TM9SF1: variants seen among roughly 807,000 people sequenced by gnomAD.
The protein encoded by TM9SF1 is transmembrane 9 superfamily member 1, also known as MP70 protein family member.
Under a neutral mutation model 52.4 loss-of-function variants are expected in TM9SF1, and 25 were observed. The observed-to-expected ratio is 0.48, with a 90% CI of 0.35 to 0.67. The LOEUF (loss-of-function observed/expected upper bound fraction) is 0.67, where lower values mean the gene tolerates loss of function less well. Ranked by LOEUF, TM9SF1 falls within the 30% of genes least tolerant of loss-of-function variation. The pLI, the probability that TM9SF1 is intolerant of heterozygous loss-of-function variation, is 0.01. For synonymous variants in TM9SF1, 284 were observed against 299.8 expected, an observed-to-expected ratio of 0.95 and a Z score of 0.55; for missense variants, 604 against 780.3, an observed-to-expected ratio of 0.77 and a Z score of 2.69.
intron 4 of TM9SF1, chr14:24,191,885 G>A: frequency 5.7e-6 from 2 of 351,896 alleles, no homozygotes; most frequent in Non-Finnish European, 1.1e-5. Context: ...ATGGCTCACT[G>A]TAGCCTCAAC....
At chr14:24,191,726 T>C (rs2039325278) in intron 4 of TM9SF1, 1 of 162,008 alleles carries the variant, frequency 6.2e-6, no homozygotes. Context: ...AAATGCATTC[T>C]TGTTTTTTTT....
In TM9SF1 at chr14:24,192,239, T is replaced by C. The variant is rs2039331709; in HGVS notation, c.1085A>G (p.His362Arg). 3 of 1,614,036 alleles carry C rather than the reference T, an allele frequency of 1.9e-6. No homozygotes were observed. The highest frequency in any genetic ancestry group is 2.5e-6 in the Non-Finnish European group (3 of 1,180,036). Residue 362 changes from histidine to arginine, a missense_variant, in exon 4 of 6, where the codon CAC (histidine) becomes CGC (arginine). Coordinates refer to ENST00000261789, the MANE Select transcript of TM9SF1 (RefSeq NM_006405.7). The surrounding 1 kb of genome is among the most constrained non-coding windows in gnomAD (Gnocchi z 4.0). ...CTCGCCTCCAATCTGCCGGTAGAAG[T>C]GGCTGGACACGTAGCCAGAGATGCA... ...TCCISGYVSS[H>R]FYRQIGGERW...
intron 2 of TM9SF1, among the ~76,000 whole-genome samples, chr14:24,194,422 A>G (rs2039368653): frequency 6.6e-6 from 1 of 152,246 alleles, no homozygotes; most frequent in Non-Finnish European, 1.5e-5. Flanking sequence ...GCTTGCAGTA[A>G]GAAACCCTGG....
Position 24,190,561 on chromosome 14 carries a change from G to A in TM9SF1, c.1246C>T (p.Leu416=). The A allele has an allele frequency of 1.2e-6, 2 of 1,614,216 alleles. No homozygotes were observed. Among genetic ancestry groups the A allele is most frequent in the Non-Finnish European group, 1.7e-6 (2 of 1,180,048 alleles). The change falls in exon 5 of 6, where the codon CTG becomes TTG. Residue 416 remains leucine (L), a synonymous_variant. Transcript: ENST00000261789. ...ALPATTILLL[L]TVWLLVGFPL... ...AAGCCCACCAGCAGCCAAACCGTCA[G>A]AAGCAGCAGGATGGTTGTGGCTGGC... is the stretch of plus-strand genomic sequence containing the variant.
chr14:24,193,332 G>A (rs2039352094), intron 2 of TM9SF1, 63 bp from the exon 3 acceptor site: 1 of 1,511,488 alleles, frequency 6.6e-7, no homozygotes, highest in Non-Finnish European at 8.9e-7. Flanking sequence ...TTACAGCAAA[G>A]TTTCTCACCT....
At chr14:24,191,027 G>A (rs919209240) in intron 4 of TM9SF1, among the ~76,000 whole-genome samples, 3 of 151,722 alleles carry the variant, frequency 2.0e-5, no homozygotes, top group Admixed American at 6.6e-5. Context: ...CACCACGCCC[G>A]GCTAATTTTT....
chr14:24,192,324 T>C lies in TM9SF1; in HGVS notation c.1000A>G (p.Asn334Asp). ...TTAATGGCCCCATGACGGTGCACAT[T>C]GAACATGCCCAGCAGTGCCATGACA... The part of the protein sequence containing the change: ...IIVMALLGMF[N>D]VHRHGAINSA... Residue 334 changes from asparagine (N) to aspartate (D), a missense_variant, in exon 4 of 6, where the codon AAT (asparagine) becomes GAT (aspartate). Physicochemically the swap from Asn to Asp is conservative, Grantham distance 23. Around this residue, in one of 3 missense-constraint regions of TM9SF1, gnomAD observed 450 missense variants for 560.1 expected, o/e 0.80. Coordinates refer to ENST00000261789, the MANE Select transcript of TM9SF1 (RefSeq NM_006405.7). The surrounding 1 kb of genome is among the most constrained non-coding windows in gnomAD (Gnocchi z 4.0). 6.2e-7 allele frequency: 1 copy of C among 1,614,030 alleles called. No individual in the cohort carries two copies. The highest frequency in any genetic ancestry group is 1.1e-5 in the South Asian group (1 of 91,072).
intron 4 of TM9SF1, among the ~76,000 whole-genome samples, chr14:24,190,925 G>A (rs552745678): frequency 6.7e-5 from 9 of 134,086 alleles, no homozygotes; most frequent in East Asian, 2.4e-4. Flanking sequence ...GCAGTGGCGC[G>A]ATCTCTGCTC....
rs748504968 is a variant in TM9SF1, at chr14:24,192,376, AG to A, written c.968-21del. On this transcript the variant is annotated intron_variant, in intron 3 of 5. Coordinates refer to ENST00000261789, the MANE Select transcript of TM9SF1 (RefSeq NM_006405.7). The surrounding 1 kb of genome is among the most constrained non-coding windows in gnomAD (Gnocchi z 4.0). Reference sequence around the variant, plus strand: ...TAATGCCTGCAGGACGGTAGCGGAAAGCCCAAGTTAGGCCTCACCTGTGTCT... The same window carrying A: ...TAATGCCTGCAGGACGGTAGCGGAAACCCAAGTTAGGCCTCACCTGTGTCT... 1.2e-6 allele frequency: 2 copies of A among 1,605,752 alleles called. No individual in the cohort carries two copies. The highest frequency in any genetic ancestry group is 2.7e-5 in the African/African-American group (2 of 74,778).
Position 24,189,430 on chromosome 14 carries a change from G to A in TM9SF1, c.1806C>T (p.Asn602=). ...SLKFIRYIYV[N]LKMD ...CATACAGAACTCAGTCCATCTTGAG[G>A]TTAACATAGATATACCGGATGAACT... Residue 602 remains asparagine (N), a synonymous_variant, in exon 6 of 6, where the codon AAC becomes AAT. Coordinates refer to ENST00000261789, the MANE Select transcript of TM9SF1 (RefSeq NM_006405.7). 6 of 1,613,490 alleles carry A rather than the reference G, an allele frequency of 3.7e-6. No individual in the cohort carries two copies. The highest frequency in any genetic ancestry group is 5.1e-6 in the Non-Finnish European group (6 of 1,179,742).
chr14:24,194,607 C>G, intron 2 of TM9SF1, 68 bp downstream of exon 2: 4 of 1,416,914 alleles, frequency 2.8e-6, no homozygotes, highest in Admixed American at 3.7e-5. Flanking sequence ...TACCCTGAAC[C>G]ATAAATGTAA....
At chr14:24,191,022 C>T (rs3742503) in intron 4 of TM9SF1, among the ~76,000 whole-genome samples, 68,928 of 151,646 alleles carry the variant, frequency 0.45, 15,819 homozygotes, top group South Asian at 0.56. Context: ...CCCGCCACCA[C>T]GCCCGGCTAA....
At chr14:24,190,330 A>C in intron 5 of TM9SF1, 50 bp downstream of exon 5, 1 of 1,531,488 alleles carries the variant, frequency 6.5e-7, no homozygotes, top group Non-Finnish European at 8.8e-7. Context: ...GACAGGAAAA[A>C]TTGAGGTCAG....
chr14:24,193,806 G>A (rs563090643), intron 2 of TM9SF1, among the ~76,000 whole-genome samples: 1 of 151,744 alleles, frequency 6.6e-6, no homozygotes, highest in Non-Finnish European at 1.5e-5. Flanking sequence ...TGTAGTCCCA[G>A]CTACTCGGGA....
At position 24,192,248 on chromosome 14, in the gene TM9SF1, A is replaced by G; in HGVS notation, c.1076T>C (p.Val359Ala). Residue 359 changes from valine (V) to alanine (A), a missense_variant, in exon 4 of 6, where the codon GTG (valine) becomes GCG (alanine). Transcript: ENST00000261789. This position sits in a 1 kb window ranked among gnomAD's most constrained non-coding sequence, Gnocchi z 4.0. ...AATCTGCCGGTAGAAGTGGCTGGAC[A>G]CGTAGCCAGAGATGCAGCAGGTCAG... is the stretch of plus-strand genomic sequence containing the variant. ...YALTCCISGY[V>A]SSHFYRQIGG... 3.1e-6 allele frequency: 5 copies of G among 1,614,192 alleles called. No homozygotes were observed. Among genetic ancestry groups the G allele is most frequent in the Middle Eastern group, 1.6e-4 (1 of 6,062 alleles).
chr14:24,190,087 A>T (rs969631837), intron 5 of TM9SF1: 1 of 1,358,268 alleles, frequency 7.4e-7, no homozygotes, highest in Non-Finnish European at 9.4e-7. Flanking sequence ...GGTATTCAAC[A>T]AAGTAAATGG....
At chr14:24,190,016 T>C (rs2039292913) in intron 5 of TM9SF1, 1 of 1,378,168 alleles carries the variant, frequency 7.3e-7, no homozygotes, top group South Asian at 1.9e-5. Context: ...TCTTCCCTAA[T>C]AGATTGAGGG....
Position 24,189,631 on chromosome 14 carries a change from A to C in TM9SF1, c.1605T>G (p.Ser535=), listed in dbSNP as rs1184139843. The part of the protein sequence containing the change: ...SGEDYRWWWR[S]VLSVGSTGLF... ...GGCCGGTGGAGCCAACACTCAGCAC[A>C]GATCGCCACCACCAGCGGTAATCCT... The change falls in exon 6 of 6, where the codon TCT becomes TCG. Residue 535 remains serine, a synonymous_variant. Transcript: ENST00000261789. The C allele has an allele frequency of 1.2e-6, 2 of 1,614,086 alleles. No individual in the cohort carries two copies. The highest frequency in any genetic ancestry group is 1.7e-6 in the Non-Finnish European group (2 of 1,180,044).
chr14:24,189,695 C>G lies in TM9SF1; in HGVS notation c.1541G>C (p.Cys514Ser). The G allele has an allele frequency of 1.2e-6, 2 of 1,614,178 alleles. No individual in the cohort carries two copies. The highest frequency in any genetic ancestry group is 1.7e-6 in the Non-Finnish European group (2 of 1,180,016). Reference sequence around the variant, plus strand: ...GAAGTAGGTGAGTGCAATGGAGATGCAAGCCCCCACACTCAGCAGGATGGC... The same window carrying G: ...GAAGTAGGTGAGTGCAATGGAGATGGAAGCCCCCACACTCAGCAGGATGGC... ...VFAILLSVGA[C>S]ISIALTYFQL... The change falls in exon 6 of 6, where the codon TGC (cysteine) becomes TCC (serine). Residue 514 changes from cysteine to serine, a missense_variant. Physicochemically the swap from Cys to Ser is moderately radical, Grantham distance 112. Transcript: ENST00000261789.
Sources: allele counts gnomAD v4.1 joint callset (sites outside exome capture counted in the v4.1 genomes callset), GRCh38; gene constraint gnomAD v4.1.1; regional missense constraint gnomAD v4.1.1; non-coding constraint Gnocchi (gnomAD v3.1); transcripts MANE v1.5; gene names NCBI Gene and HGNC (gene_info 2026-07-23, HGNC 2026-07-21).